CDH13: variants seen among roughly 807,000 people sequenced by gnomAD.
CDH13 encodes cadherin-13.
CDH13 carries 24 observed loss-of-function variants against 63.8 expected under a neutral mutation model. The ratio of observed to expected loss-of-function variants is 0.38; its 90% CI spans 0.27 to 0.53. The LOEUF is 0.53. Ranked by LOEUF, CDH13 falls within the 20% of genes least tolerant of loss-of-function variation. The pLI, the probability that CDH13 is intolerant of heterozygous loss-of-function variation, is 0.85. For synonymous variants in CDH13, 503 were observed against 355.3 expected, an observed-to-expected ratio of 1.42 and a Z score of -4.67; for missense variants, 1,049 against 903.1, an observed-to-expected ratio of 1.16 and a Z score of -2.07.
At chr16:83,065,207 T>C (rs1008076001) in intron 3 of CDH13, among the ~76,000 whole-genome samples, 15 of 152,192 alleles carry the variant, frequency 9.9e-5, no homozygotes, top group African/African-American at 3.6e-4. Context: ...TTCTAGAAGT[T>C]ATCCCTGAGG....
chr16:82,703,720 C>T (rs1400001228), intron 1 of CDH13, among the ~76,000 whole-genome samples: 5 of 152,186 alleles, frequency 3.3e-5, no homozygotes, highest in Admixed American at 1.3e-4. Context: ...TTTTGCTCTT[C>T]AGAAATCACA....
chr16:82,985,631 C>T (rs980334885), intron 2 of CDH13, among the ~76,000 whole-genome samples: 2 of 152,144 alleles, frequency 1.3e-5, no homozygotes, highest in African/African-American at 2.4e-5. Flanking sequence ...GCAGGACCCT[C>T]ACCCTCTCTG....
At chr16:82,884,808 A>T (rs1342681578) in intron 2 of CDH13, among the ~76,000 whole-genome samples, 1 of 152,092 alleles carries the variant, frequency 6.6e-6, no homozygotes, top group Non-Finnish European at 1.5e-5. Context: ...CTTTTTGAAA[A>T]CTTCAGCAGC....
intron 1 of CDH13, among the ~76,000 whole-genome samples, chr16:82,791,697 C>T (rs1191166452): frequency 6.6e-6 from 1 of 152,212 alleles, no homozygotes; most frequent in African/African-American, 2.4e-5. Flanking sequence ...GCGAGGCTCC[C>T]ATTGCCACTC....
At chr16:83,527,656 T>C (rs1156932366) in intron 7 of CDH13, among the ~76,000 whole-genome samples, 1 of 152,162 alleles carries the variant, frequency 6.6e-6, no homozygotes, top group Non-Finnish European at 1.5e-5. Flanking sequence ...AGTGATGATA[T>C]ATACACCTGA....
chr16:82,714,105 G>C (rs544001634), intron 1 of CDH13, among the ~76,000 whole-genome samples: 1 of 152,170 alleles, frequency 6.6e-6, no homozygotes, highest in Admixed American at 6.5e-5. Context: ...GAACAAGTGG[G>C]TGTTGTTTTA....
chr16:82,716,295 A>G (rs937464154), intron 1 of CDH13, among the ~76,000 whole-genome samples: 1 of 152,070 alleles, frequency 6.6e-6, no homozygotes, highest in African/African-American at 2.4e-5. Flanking sequence ...GCCCATCCCG[A>G]GCCTGCTTTT....
chr16:83,562,673 C>T (rs528559520), intron 7 of CDH13, among the ~76,000 whole-genome samples: 3 of 152,290 alleles, frequency 2.0e-5, no homozygotes, highest in East Asian at 1.9e-4. Context: ...TGGTGAAGAA[C>T]GTTTTTGATG....
chr16:82,984,767 T>C (rs1910724574), intron 2 of CDH13, among the ~76,000 whole-genome samples: 1 of 152,298 alleles, frequency 6.6e-6, no homozygotes, highest in South Asian at 2.1e-4. Context: ...AGTCAAAATC[T>C]ACTTTTCAGG....
At chr16:83,239,851 G>C (rs577730828) in intron 5 of CDH13, among the ~76,000 whole-genome samples, 3 of 152,172 alleles carry the variant, frequency 2.0e-5, no homozygotes, top group African/African-American at 7.2e-5. Flanking sequence ...GGACCAGGAG[G>C]ATGGGGAATT....
At chr16:82,889,710 C>G (rs2041013692) in intron 2 of CDH13, among the ~76,000 whole-genome samples, 1 of 152,084 alleles carries the variant, frequency 6.6e-6, no homozygotes, top group African/African-American at 2.4e-5. Flanking sequence ...TTGGCTCTGT[C>G]TATGTTGTAC....
At chr16:83,215,293 G>A (rs2151784481) in intron 4 of CDH13, among the ~76,000 whole-genome samples, 1 of 151,702 alleles carries the variant, frequency 6.6e-6, no homozygotes, top group African/African-American at 2.4e-5. Context: ...TGGCCAGGCT[G>A]GTCTTGAATT....
intron 1 of CDH13, among the ~76,000 whole-genome samples, chr16:82,648,580 A>C (rs1294463570): frequency 6.6e-6 from 1 of 152,202 alleles, no homozygotes; most frequent in East Asian, 1.9e-4. Context: ...CTACAAAGCA[A>C]AACAAGCCTC....
At chr16:83,485,061 A>T (rs758431579) in intron 6 of CDH13, among the ~76,000 whole-genome samples, 12 of 152,176 alleles carry the variant, frequency 7.9e-5, no homozygotes, top group Non-Finnish European at 1.6e-4. Flanking sequence ...TATCTTGAAG[A>T]GTTTCCCACA....
intron 1 of CDH13, among the ~76,000 whole-genome samples, chr16:82,802,285 T>A (rs1384303107): frequency 6.6e-6 from 1 of 152,130 alleles, no homozygotes; most frequent in Non-Finnish European, 1.5e-5. Flanking sequence ...TCACAGTATG[T>A]AGCGGGGACA....
At chr16:83,284,775 T>C (rs1367974868) in intron 5 of CDH13, among the ~76,000 whole-genome samples, 1 of 152,128 alleles carries the variant, frequency 6.6e-6, no homozygotes, top group Non-Finnish European at 1.5e-5. Context: ...ATAGTGTTAA[T>C]ATAATACAAA....
intron 3 of CDH13, among the ~76,000 whole-genome samples, chr16:83,043,523 GTGTGTATGTA>G (rs1436799124): frequency 7.6e-5 from 11 of 144,520 alleles, no homozygotes; most frequent in Non-Finnish European, 1.7e-4. Context: ...GTGTGTGTGT[GTGTGTATGTA>G]TAACAGATAT....
At chr16:83,443,480 A>G (rs2151498385) in intron 6 of CDH13, among the ~76,000 whole-genome samples, 1 of 152,262 alleles carries the variant, frequency 6.6e-6, no homozygotes, top group South Asian at 2.1e-4. Context: ...GAGAATTTTT[A>G]CGGGTTACTA....
intron 5 of CDH13, among the ~76,000 whole-genome samples, chr16:83,321,511 T>C (rs1406348203): frequency 6.7e-6 from 1 of 148,640 alleles, no homozygotes; most frequent in African/African-American, 2.5e-5. Context: ...TTCTGGAAAA[T>C]ATGGAAATCT....
Sources: gnomAD v4.1 joint callset for allele counts (sites outside exome capture counted in the v4.1 genomes callset) on GRCh38, gnomAD v4.1.1 for gene constraint, MANE v1.5 for transcripts, NCBI Gene and HGNC (gene_info 2026-07-23, HGNC 2026-07-21) for gene names.